CADM2: variants seen among roughly 807,000 people sequenced by gnomAD.
The protein encoded by CADM2 is immunoglobulin superfamily member 4D.
Under a neutral mutation model 49.8 loss-of-function variants are expected in CADM2, and 12 were observed. That is an observed-to-expected ratio of 0.24 (90% CI 0.15 to 0.39). The LOEUF (loss-of-function observed/expected upper bound fraction) is 0.39, where lower values mean the gene tolerates loss of function less well. Among genes scored for constraint, CADM2 ranks in the 10% least tolerant of loss-of-function variants. CADM2 has a pLI of 1.00. For missense variants in CADM2, 378 were observed against 492.3 expected, an observed-to-expected ratio of 0.77 and a Z score of 2.20; for synonymous variants, 214 against 175.4, an observed-to-expected ratio of 1.22 and a Z score of -1.74.
intron 1 of CADM2, among the ~76,000 whole-genome samples, chr3:85,145,319 G>A (rs1273053875): frequency 6.6e-6 from 1 of 152,142 alleles, no homozygotes; most frequent in African/African-American, 2.4e-5. Flanking sequence ...ACAATGCCAT[G>A]CACAGATTAA....
chr3:85,085,885 G>T (rs1299488916), intron 1 of CADM2, among the ~76,000 whole-genome samples: 3 of 151,976 alleles, frequency 2.0e-5, no homozygotes, highest in Non-Finnish European at 4.4e-5. Context: ...TTGATCACCT[G>T]GGAGTATTTA....
chr3:85,186,265 G>A (rs1209877848), intron 1 of CADM2, among the ~76,000 whole-genome samples: 1 of 152,066 alleles, frequency 6.6e-6, no homozygotes, highest in Admixed American at 6.6e-5. Context: ...GGGCATCCAG[G>A]AAAAAGTCTG....
intron 3 of CADM2, among the ~76,000 whole-genome samples, chr3:85,816,556 A>T (rs552867933): frequency 5.3e-4 from 81 of 152,288 alleles, no homozygotes; most frequent in African/African-American, 1.9e-3. Context: ...TAGAATAGAT[A>T]CTTTATGAAA....
chr3:85,609,492 G>A (rs2063622658), intron 1 of CADM2, among the ~76,000 whole-genome samples: 1 of 151,902 alleles, frequency 6.6e-6, no homozygotes, highest in Admixed American at 6.6e-5. Context: ...TGTTACTGGT[G>A]GAGATTCTAA....
At chr3:85,082,128 C>T (rs370810542) in intron 1 of CADM2, among the ~76,000 whole-genome samples, 1 of 152,200 alleles carries the variant, frequency 6.6e-6, no homozygotes. Context: ...AAATTCAGAT[C>T]ACAAGCGTCT....
At chr3:85,325,423 T>G (rs2044724892) in intron 1 of CADM2, among the ~76,000 whole-genome samples, 1 of 152,158 alleles carries the variant, frequency 6.6e-6, no homozygotes, top group South Asian at 2.1e-4. Context: ...TTCTAAAGTA[T>G]GAAGTCAGCT....
chr3:85,607,775 G>A (rs777159748), intron 1 of CADM2, among the ~76,000 whole-genome samples: 16 of 151,752 alleles, frequency 1.1e-4, no homozygotes, highest in Non-Finnish European at 1.3e-4. Context: ...TCCTGCCTCA[G>A]CCTCCCGATT....
intron 2 of CADM2, among the ~76,000 whole-genome samples, chr3:85,769,593 TATACAC>T (rs1182016551): frequency 1.0e-5 from 1 of 98,744 alleles, no homozygotes; most frequent in East Asian, 3.6e-4. Flanking sequence ...ATATATAGTA[TATACAC>T]ATATATACAT....
At chr3:85,214,547 C>T (rs2041876935) in intron 1 of CADM2, among the ~76,000 whole-genome samples, 1 of 152,046 alleles carries the variant, frequency 6.6e-6, no homozygotes, top group Admixed American at 6.5e-5. Flanking sequence ...ACCCCCCAAC[C>T]CTGGTCCTGG....
chr3:85,236,927 G>C (rs796166756), intron 1 of CADM2, among the ~76,000 whole-genome samples: 8 of 152,164 alleles, frequency 5.3e-5, no homozygotes, highest in African/African-American at 1.9e-4. Flanking sequence ...CTGTATACCA[G>C]ACTCTGTGCA....
chr3:86,025,333 A>G (rs1426115921), intron 8 of CADM2, among the ~76,000 whole-genome samples: 1 of 152,194 alleles, frequency 6.6e-6, no homozygotes, highest in African/African-American at 2.4e-5. Context: ...CAGGGATTAC[A>G]GGCATGAGCA....
At chr3:85,235,427 C>T (rs2042387950) in intron 1 of CADM2, among the ~76,000 whole-genome samples, 1 of 152,072 alleles carries the variant, frequency 6.6e-6, no homozygotes, top group Non-Finnish European at 1.5e-5. Flanking sequence ...TATAAACATT[C>T]ACTTCACATC....
At chr3:84,998,203 A>T (rs544435661) in intron 1 of CADM2, among the ~76,000 whole-genome samples, 1 of 152,228 alleles carries the variant, frequency 6.6e-6, no homozygotes, top group East Asian at 1.9e-4. Flanking sequence ...ATCAAATCAA[A>T]ATTATGTGTG....
chr3:85,156,820 T>C (rs201394366), intron 1 of CADM2, among the ~76,000 whole-genome samples: 1 of 152,168 alleles, frequency 6.6e-6, no homozygotes, highest in Admixed American at 6.5e-5. Context: ...TTCAACATAG[T>C]GTTGGAAGTT....
rs570853646 is a variant in CADM2 at position 85,207,371 on chromosome 3, A to G, written c.61+247703A>G. Among the ~76,000 whole-genome samples the G allele has an allele frequency of 4.6e-5, 7 of 152,184 alleles. No homozygotes were observed. The East Asian group carries it at 1.2e-3, about 25-fold the overall frequency. On this transcript the variant is annotated intron_variant, in intron 1 of 9. Transcript: ENST00000383699. The stretch of plus-strand genomic sequence containing the variant: ...TTATTTTTAGAGGTATTTCTGCTTT[A>G]TATCTTGGGTAACAGACATTTTATT...
intron 1 of CADM2, among the ~76,000 whole-genome samples, chr3:85,235,849 A>T (rs2107824013): frequency 6.6e-6 from 1 of 152,224 alleles, no homozygotes; most frequent in Non-Finnish European, 1.5e-5. Context: ...GGTGAAAAAT[A>T]GTATAATGGA....
At chr3:86,011,025 A>G (rs749144450) in intron 8 of CADM2, among the ~76,000 whole-genome samples, 2 of 152,046 alleles carry the variant, frequency 1.3e-5, no homozygotes, top group Non-Finnish European at 2.9e-5. Context: ...CTTTTATCGT[A>G]TATCTACTAG....
At chr3:85,523,084 AG>A (rs1412486987) in intron 1 of CADM2, among the ~76,000 whole-genome samples, 2 of 152,086 alleles carry the variant, frequency 1.3e-5, no homozygotes, top group Non-Finnish European at 2.9e-5. Flanking sequence ...AATTTACATT[AG>A]TGTGTATATA....
chr3:85,954,083 A>G (rs908444613), intron 7 of CADM2, among the ~76,000 whole-genome samples: 10 of 150,984 alleles, frequency 6.6e-5, no homozygotes, highest in Admixed American at 5.3e-4. Flanking sequence ...TTATTCTACA[A>G]TTTATTTGAT....
Sources: gnomAD v4.1 joint callset for allele counts (sites outside exome capture counted in the v4.1 genomes callset) on GRCh38, gnomAD v4.1.1 for gene constraint, MANE v1.5 for transcripts, NCBI Gene and HGNC (gene_info 2026-07-23, HGNC 2026-07-21) for gene names.